Variants in AUTS2 observed in about 807,000 individuals in gnomAD.
AUTS2 encodes autism susceptibility gene 2 protein.
A neutral mutation model predicts 112.4 loss-of-function variants in AUTS2; 17 were observed. That is an observed-to-expected ratio of 0.15 (90% CI 0.10 to 0.23). The LOEUF is 0.23. Ranked by LOEUF, AUTS2 falls within the 10% of genes least tolerant of loss-of-function variation. The probability of loss-of-function intolerance (pLI) is 1.00; values close to 1 mark genes in which losing one functional copy is unlikely to be tolerated. For missense variants in AUTS2, 1,510 were observed against 1,701.6 expected (o/e 0.89, Z 1.98); for synonymous variants, 751 against 702.7 (o/e 1.07, Z -1.09).
rs182393783 is a variant in AUTS2, at chr7:70,662,602, T to A, written c.691-35967T>A. ...ACATACCTAGGCCTGTAGCAATTTA[T>A]CCCAAATGAGGAAATAATAATGTCA... On this transcript the variant is annotated intron_variant, in intron 5 of 18. Coordinates refer to ENST00000342771, the MANE Select transcript of AUTS2 (RefSeq NM_015570.4). Among the ~76,000 whole-genome samples the A allele has an allele frequency of 1.1e-3, 170 of 152,304 alleles. 1 individual carries two copies. Among genetic ancestry groups the A allele is most frequent in the East Asian group, 5.8e-4 (3 of 5,184 alleles).
chr7:70,114,567 C>T (rs1176835770), intron 2 of AUTS2, among the ~76,000 whole-genome samples: 1 of 151,888 alleles, frequency 6.6e-6, no homozygotes, highest in Non-Finnish European at 1.5e-5. Context: ...CCGAGGTGGG[C>T]AGATCACCTG....
At chr7:70,236,666 A>G (rs1451211755) in intron 4 of AUTS2, among the ~76,000 whole-genome samples, 2 of 152,152 alleles carry the variant, frequency 1.3e-5, no homozygotes, top group African/African-American at 4.8e-5. Flanking sequence ...TTCTTTTTCC[A>G]CTTTTAGCTT....
intron 6 of AUTS2, among the ~76,000 whole-genome samples, chr7:70,723,135 C>T (rs976415325): frequency 1.3e-5 from 2 of 152,192 alleles, no homozygotes; most frequent in Non-Finnish European, 2.9e-5. Flanking sequence ...ATAATGCTCT[C>T]TTCCCTAATC....
intron 5 of AUTS2, among the ~76,000 whole-genome samples, chr7:70,657,834 G>A (rs914147184): frequency 1.3e-5 from 2 of 152,106 alleles, no homozygotes; most frequent in African/African-American, 4.8e-5. Flanking sequence ...ATGTTTCTGG[G>A]GACAGGCAGG....
intron 1 of AUTS2, among the ~76,000 whole-genome samples, chr7:69,828,161 G>T (rs1354951510): frequency 6.6e-6 from 1 of 152,170 alleles, no homozygotes; most frequent in African/African-American, 2.4e-5. Context: ...CTTGAGTTCA[G>T]GGGGGTACAT....
At chr7:70,605,291 G>A (rs1273368312) in intron 5 of AUTS2, among the ~76,000 whole-genome samples, 1 of 152,084 alleles carries the variant, frequency 6.6e-6, no homozygotes, top group East Asian at 1.9e-4. Flanking sequence ...TTTTGACGTT[G>A]GCTAACCACC....
rs147335693 is a variant in AUTS2, at chr7:70,429,100, C to T, written c.661-6652C>T. ...GTATGTTCACACATACATCTCTTTG[C>T]GTTAAGCAGTCATATTAGTGTTTCT... is the stretch of plus-strand genomic sequence containing the variant. On this transcript the variant is annotated intron_variant, in intron 4 of 18. Coordinates refer to ENST00000342771, the MANE Select transcript of AUTS2 (RefSeq NM_015570.4). Among the ~76,000 whole-genome samples the T allele has an allele frequency of 7.9e-4, 121 of 152,324 alleles. 1 individual carries two copies. The highest frequency in any genetic ancestry group is 2.1e-3 in the African/African-American group (86 of 41,580).
chr7:69,951,093 T>A (rs567262279), intron 2 of AUTS2, among the ~76,000 whole-genome samples: 4 of 152,328 alleles, frequency 2.6e-5, no homozygotes, highest in African/African-American at 9.6e-5. Flanking sequence ...TAACTTTTTT[T>A]ATTTCCAACA....
intron 1 of AUTS2, among the ~76,000 whole-genome samples, chr7:69,792,440 C>T (rs1425698325): frequency 2.0e-5 from 3 of 152,086 alleles, no homozygotes; most frequent in African/African-American, 7.2e-5. Context: ...GGGGTTTCAC[C>T]ATGTTAGCCA....
At chr7:70,337,362 C>T (rs762398665) in intron 4 of AUTS2, among the ~76,000 whole-genome samples, 4 of 152,136 alleles carry the variant, frequency 2.6e-5, no homozygotes, top group Admixed American at 1.3e-4. Flanking sequence ...TGTAAGGCTC[C>T]GAGCTGACTA....
At chr7:69,739,196 C>G (rs1177642136) in intron 1 of AUTS2, among the ~76,000 whole-genome samples, 3 of 152,088 alleles carry the variant, frequency 2.0e-5, no homozygotes, top group Non-Finnish European at 2.9e-5. Flanking sequence ...TTGCTAATAC[C>G]CTTCAGATAT....
chr7:69,795,285 G>T (rs1263275230), intron 1 of AUTS2, among the ~76,000 whole-genome samples: 2 of 152,296 alleles, frequency 1.3e-5, no homozygotes, highest in East Asian at 1.9e-4. Flanking sequence ...TGAAAGGGAG[G>T]TTGGGCTGGA....
At chr7:69,636,312 C>T (rs1037418549) in intron 1 of AUTS2, among the ~76,000 whole-genome samples, 7 of 151,912 alleles carry the variant, frequency 4.6e-5, no homozygotes, top group African/African-American at 1.7e-4. Context: ...CTTACTGCCG[C>T]CTCCACCTCC....
chr7:70,381,365 T>A (rs1352144707), intron 4 of AUTS2, among the ~76,000 whole-genome samples: 1 of 152,208 alleles, frequency 6.6e-6, no homozygotes, highest in Non-Finnish European at 1.5e-5. Context: ...CTCAACCAAC[T>A]GTACACTTTA....
intron 6 of AUTS2, among the ~76,000 whole-genome samples, chr7:70,715,084 C>G (rs77105550): frequency 0.018 from 2,679 of 152,266 alleles, 75 homozygotes; most frequent in African/African-American, 0.062. Flanking sequence ...ATGGCACTTT[C>G]CCTCATCAAC....
At chr7:70,144,367 C>G (rs2129575666) in intron 4 of AUTS2, among the ~76,000 whole-genome samples, 1 of 152,132 alleles carries the variant, frequency 6.6e-6, no homozygotes, top group South Asian at 2.1e-4. Flanking sequence ...AGAACTAGCT[C>G]TGTGATATGA....
intron 2 of AUTS2, among the ~76,000 whole-genome samples, chr7:69,987,339 A>G (rs1354929479): frequency 1.3e-5 from 2 of 152,230 alleles, no homozygotes; most frequent in Non-Finnish European, 2.9e-5. Flanking sequence ...AAATGCTGTG[A>G]AGGTCATTTG....
intron 1 of AUTS2, among the ~76,000 whole-genome samples, chr7:69,739,198 T>G (rs1787162814): frequency 6.6e-6 from 1 of 152,164 alleles, no homozygotes; most frequent in Non-Finnish European, 1.5e-5. Flanking sequence ...GCTAATACCC[T>G]TCAGATATTA....
chr7:70,354,453 T>G (rs1487864828), intron 4 of AUTS2, among the ~76,000 whole-genome samples: 1 of 152,252 alleles, frequency 6.6e-6, no homozygotes. Flanking sequence ...TGTGCCAGGC[T>G]TTGTCATTAG....
Sources: allele counts gnomAD v4.1 joint callset (sites outside exome capture counted in the v4.1 genomes callset), GRCh38; gene constraint gnomAD v4.1.1; transcripts MANE v1.5; gene names NCBI Gene and HGNC (gene_info 2026-07-23, HGNC 2026-07-21).